The following LY96 variants were observed in gnomAD, a reference collection of about 807,000 sequenced individuals.
The protein encoded by LY96 is lymphocyte antigen 96.
LY96 carries 18 observed loss-of-function variants against 18.9 expected under a neutral mutation model. That is an observed-to-expected ratio of 0.95 (90% confidence interval 0.66 to 1.41). LY96 has a LOEUF of 1.41. Ranked by LOEUF, LY96 falls within the 40% of genes most tolerant of loss-of-function variation. The pLI is 0.00. For missense variants in LY96, 175 were observed against 182.4 expected (o/e 0.96, Z 0.23); for synonymous variants, 66 against 62.6 (o/e 1.06, Z -0.26).
chr8:74,022,649 G>A (rs187932458), intron 3 of LY96, among the ~76,000 whole-genome samples: 6,165 of 148,334 alleles, frequency 0.042, 150 homozygotes, highest in Middle Eastern at 0.063. Context: ...CGCAGTCTCA[G>A]CTCACTGCAA....
chr8:74,087,376 C>T, the LY96 span, among the ~76,000 whole-genome samples: 13 of 152,196 alleles, frequency 8.5e-5, no homozygotes, highest in East Asian at 2.5e-3. Flanking sequence ...TGTAGGTTCC[C>T]CAAAGTTTAA....
the LY96 span, among the ~76,000 whole-genome samples, chr8:74,075,679 T>C: frequency 6.6e-6 from 1 of 152,252 alleles, no homozygotes; most frequent in African/African-American, 2.4e-5. Context: ...TATTTATCTT[T>C]AATTTCTTTT....
At chr8:74,093,139 G>A in the LY96 span, among the ~76,000 whole-genome samples, 26 of 152,114 alleles carry the variant, frequency 1.7e-4, no homozygotes, top group African/African-American at 6.3e-4. Context: ...GTGTCTGGAC[G>A]CTGTTTCTTT....
the LY96 span, among the ~76,000 whole-genome samples, chr8:74,090,027 G>A: frequency 6.6e-6 from 1 of 152,118 alleles, no homozygotes; most frequent in South Asian, 2.1e-4. Flanking sequence ...TAATGATTTT[G>A]CATTTTGGAT....
the LY96 span, among the ~76,000 whole-genome samples, chr8:74,081,758 A>G: frequency 1.3e-5 from 2 of 151,858 alleles, no homozygotes; most frequent in African/African-American, 2.4e-5. Flanking sequence ...GGTTCAAGAG[A>G]TTCTCTTGCC....
intron 3 of LY96, among the ~76,000 whole-genome samples, chr8:74,023,025 C>T (rs1469331138): frequency 6.6e-6 from 1 of 152,072 alleles, no homozygotes; most frequent in Non-Finnish European, 1.5e-5. Context: ...GGTTTAATGC[C>T]CTGTGATCAT....
At chr8:74,086,729 C>T in the LY96 span, among the ~76,000 whole-genome samples, 1 of 152,166 alleles carries the variant, frequency 6.6e-6, no homozygotes, top group Non-Finnish European at 1.5e-5. Context: ...GCTTTTAAGA[C>T]GTGGGGCCCT....
the LY96 span, among the ~76,000 whole-genome samples, chr8:74,079,127 C>T: frequency 6.6e-6 from 1 of 152,152 alleles, no homozygotes; most frequent in Non-Finnish European, 1.5e-5. Flanking sequence ...TGTTGAAGGC[C>T]CAGCTAGAAC....
chr8:74,036,059 C>T, the LY96 span, among the ~76,000 whole-genome samples: 1 of 152,288 alleles, frequency 6.6e-6, no homozygotes, highest in East Asian at 1.9e-4. Context: ...GAAATTGAGA[C>T]TCGTCTCAGG....
At chr8:74,025,482 C>CT (rs1245076475) in intron 3 of LY96, among the ~76,000 whole-genome samples, 1 of 151,242 alleles carries the variant, frequency 6.6e-6, no homozygotes, top group Non-Finnish European at 1.5e-5. Context: ...TAGAGAAACT[C>CT]TGTCTCTACT....
At chr8:73,998,042 G>A (rs1816187557) in intron 1 of LY96, among the ~76,000 whole-genome samples, 1 of 152,174 alleles carries the variant, frequency 6.6e-6, no homozygotes, top group Non-Finnish European at 1.5e-5. Context: ...CCTGCAGGAT[G>A]GGAGGTGGGG....
At position 73,991,529 on chromosome 8, in the gene LY96, T is replaced by A. The variant is rs756240536; in HGVS notation, c.87T>A (p.Asp29Glu). 3 of 1,609,426 alleles carry A rather than the reference T, an allele frequency of 1.9e-6. No individual in the cohort carries two copies. Among genetic ancestry groups the A allele is most frequent in the South Asian group, 2.2e-5 (2 of 91,004 alleles). ...AGTATTGGGTCTGCAACTCATCCGA[T>A]GCAAGTATTTCATACACCTACTGTG... ...QKQYWVCNSSDASISYTYCDK... is the reference protein window; with the variant it reads ...QKQYWVCNSSEASISYTYCDK... Residue 29 changes from aspartate to glutamate, a missense_variant, in exon 1 of 5, where the codon GAT becomes GAA. Coordinates refer to ENST00000284818, the MANE Select transcript of LY96 (RefSeq NM_015364.5).
At chr8:74,078,693 G>C in the LY96 span, among the ~76,000 whole-genome samples, 1 of 152,116 alleles carries the variant, frequency 6.6e-6, no homozygotes, top group Non-Finnish European at 1.5e-5. Flanking sequence ...AAGCTGCACT[G>C]GTCCTCCCAT....
the LY96 span, among the ~76,000 whole-genome samples, chr8:74,042,392 G>T: frequency 1.3e-5 from 2 of 152,084 alleles, no homozygotes; most frequent in Non-Finnish European, 2.9e-5. Flanking sequence ...ATGGTGGCAG[G>T]TGCCTGTAGT....
the LY96 span, among the ~76,000 whole-genome samples, chr8:74,095,603 C>T: frequency 3.9e-5 from 6 of 152,318 alleles, no homozygotes; most frequent in Admixed American, 2.0e-4. Context: ...CAGCAGCAGC[C>T]GACACAGTCG....
chr8:74,019,382 T>A (rs1438983160), intron 3 of LY96, among the ~76,000 whole-genome samples: 1 of 152,154 alleles, frequency 6.6e-6, no homozygotes, highest in African/African-American at 2.4e-5. Flanking sequence ...AGAAGTCGAA[T>A]CCCTGAATAG....
At chr8:74,093,663 T>C in the LY96 span, among the ~76,000 whole-genome samples, 1 of 152,068 alleles carries the variant, frequency 6.6e-6, no homozygotes. Context: ...GCACCCAGAA[T>C]GGGGGAGATA....
intron 3 of LY96, among the ~76,000 whole-genome samples, chr8:74,019,688 C>G (rs935751635): frequency 2.0e-5 from 3 of 152,108 alleles, no homozygotes; most frequent in African/African-American, 7.2e-5. Context: ...ACTGGCAAAC[C>G]AAATCCAGCA....
At chr8:74,048,169 C>A in the LY96 span, among the ~76,000 whole-genome samples, 1 of 152,196 alleles carries the variant, frequency 6.6e-6, no homozygotes, top group East Asian at 1.9e-4. Flanking sequence ...TCTGATATGG[C>A]CTTCAAGTCC....
Sources: gnomAD v4.1 joint callset for allele counts (sites outside exome capture counted in the v4.1 genomes callset) on GRCh38, gnomAD v4.1.1 for gene constraint, MANE v1.5 for transcripts, NCBI Gene and HGNC (gene_info 2026-07-23, HGNC 2026-07-21) for gene names.